Variants in CCDC91 observed in about 807,000 individuals in gnomAD.
The protein encoded by CCDC91 is coiled-coil domain-containing protein 91.
In CCDC91, 48 loss-of-function variants were observed where a neutral mutation model predicts 63.2. The observed-to-expected ratio is 0.76, with a 90% CI of 0.60 to 0.97. The LOEUF is 0.97. Ranked by LOEUF, CCDC91 falls within the 50% of genes least tolerant of loss-of-function variation. The pLI is 0.00. For missense variants in CCDC91, 500 were observed against 494.6 expected, an observed-to-expected ratio of 1.01 and a Z score of -0.10; for synonymous variants, 167 against 165.8, an observed-to-expected ratio of 1.01 and a Z score of -0.06.
intron 1 of CCDC91, among the ~76,000 whole-genome samples, chr12:28,202,255 T>C (rs1942512721): frequency 1.3e-5 from 2 of 152,244 alleles, no homozygotes; most frequent in Admixed American, 1.3e-4. Flanking sequence ...ATAAGTCCAA[T>C]GTCTGGGCTT....
rs538667594 is a variant in CCDC91, at chr12:28,248,671, A to G, written c.-14-8531A>G. On this transcript the variant is annotated intron_variant, in intron 1 of 12. Transcript: ENST00000536442. ...CATTTTGCATAATAAAAAGGATGTA[A>G]TTGGTTGCAGGCATGAGATATAACA... Among the ~76,000 whole-genome samples the G allele has an allele frequency of 3.3e-5, 5 of 152,368 alleles. No homozygotes were observed. The South Asian group carries it at 1.0e-3, about 32-fold the overall frequency.
At chr12:28,491,786 G>A (rs775885709) in intron 12 of CCDC91, among the ~76,000 whole-genome samples, 1 of 151,572 alleles carries the variant, frequency 6.6e-6, no homozygotes, top group Non-Finnish European at 1.5e-5. Flanking sequence ...ATTATTGGGG[G>A]CAATAGACAT....
intron 1 of CCDC91, among the ~76,000 whole-genome samples, chr12:28,195,203 A>G (rs61920242): frequency 0.26 from 39,569 of 151,892 alleles, 5,403 homozygotes; most frequent in Non-Finnish European, 0.31. Flanking sequence ...TGATTGGTGC[A>G]TTTACAAACC....
At chr12:28,316,817 T>C (rs1200575391) in intron 6 of CCDC91, among the ~76,000 whole-genome samples, 2 of 151,950 alleles carry the variant, frequency 1.3e-5, no homozygotes, top group African/African-American at 4.8e-5. Flanking sequence ...TTCATTTACT[T>C]CTTCCACTTT....
intron 1 of CCDC91, among the ~76,000 whole-genome samples, chr12:28,212,764 T>A (rs1278288900): frequency 2.0e-5 from 3 of 152,178 alleles, no homozygotes; most frequent in Admixed American, 2.0e-4. Context: ...AAGCAAAGAT[T>A]TACTAACTGC....
intron 1 of CCDC91, among the ~76,000 whole-genome samples, chr12:28,221,750 C>T (rs1047839968): frequency 1.3e-5 from 2 of 152,228 alleles, no homozygotes; most frequent in Admixed American, 1.3e-4. Context: ...TCCAGATAAT[C>T]TGTTCACTCA....
At chr12:28,421,019 T>A (rs777758567) in intron 8 of CCDC91, among the ~76,000 whole-genome samples, 44 of 152,126 alleles carry the variant, frequency 2.9e-4, no homozygotes, top group Non-Finnish European at 5.3e-4. Context: ...TTTCTCAGCA[T>A]AGATTTCTAG....
chr12:28,290,994 G>GT (rs1037261448), intron 3 of CCDC91, among the ~76,000 whole-genome samples: 21 of 151,866 alleles, frequency 1.4e-4, no homozygotes, highest in African/African-American at 1.4e-4. Context: ...CCGTATCCTT[G>GT]TTTTTTTTAC....
intron 1 of CCDC91, among the ~76,000 whole-genome samples, chr12:28,235,637 A>G (rs1944896384): frequency 6.6e-6 from 1 of 151,660 alleles, no homozygotes; most frequent in South Asian, 2.1e-4. Context: ...AGTAATGTGT[A>G]TAGATGAATT....
intron 3 of CCDC91, among the ~76,000 whole-genome samples, chr12:28,291,136 C>G (rs1949223382): frequency 6.6e-6 from 1 of 152,114 alleles, no homozygotes; most frequent in Non-Finnish European, 1.5e-5. Context: ...TTTTTGCCAA[C>G]AAGAAACAAG....
intron 11 of CCDC91, among the ~76,000 whole-genome samples, chr12:28,457,237 G>T (rs1254512255): frequency 6.6e-6 from 1 of 151,942 alleles, no homozygotes; most frequent in Non-Finnish European, 1.5e-5. Flanking sequence ...GTGTTTGGCA[G>T]CTAGTTGGGA....
At chr12:28,509,655 T>C (rs1939148330) in intron 12 of CCDC91, among the ~76,000 whole-genome samples, 1 of 151,896 alleles carries the variant, frequency 6.6e-6, no homozygotes, top group South Asian at 2.1e-4. Flanking sequence ...TAAAGAGCCA[T>C]ATATAGGCTG....
intron 12 of CCDC91, among the ~76,000 whole-genome samples, chr12:28,537,282 A>G (rs1202625115): frequency 6.6e-6 from 1 of 152,162 alleles, no homozygotes; most frequent in Admixed American, 6.6e-5. Flanking sequence ...TTTCGTACAT[A>G]TATGTTCAGG....
At chr12:28,490,906 T>G (rs1951964342) in intron 12 of CCDC91, among the ~76,000 whole-genome samples, 1 of 138,810 alleles carries the variant, frequency 7.2e-6, no homozygotes, top group Non-Finnish European at 1.6e-5. Context: ...TTTGGTGAGA[T>G]GACCCTATTT....
chr12:28,291,616 A>T (rs1436943027), intron 3 of CCDC91, among the ~76,000 whole-genome samples: 1 of 152,192 alleles, frequency 6.6e-6, no homozygotes, highest in East Asian at 1.9e-4. Flanking sequence ...CGGTCTACCT[A>T]CTGAGCTGGT....
chr12:28,469,657 TG>T (rs890083011), intron 11 of CCDC91, among the ~76,000 whole-genome samples: 11 of 152,110 alleles, frequency 7.2e-5, no homozygotes, highest in African/African-American at 2.6e-4. Context: ...GAACAAAAAT[TG>T]GAGAAATCAC....
At chr12:28,301,707 G>A (rs1938099178) in intron 3 of CCDC91, among the ~76,000 whole-genome samples, 1 of 150,956 alleles carries the variant, frequency 6.6e-6, no homozygotes, top group Non-Finnish European at 1.5e-5. Flanking sequence ...TTCTTTGTTG[G>A]GTAGTTGCCT....
At chr12:28,245,237 G>A (rs968609225) in intron 1 of CCDC91, among the ~76,000 whole-genome samples, 5 of 152,086 alleles carry the variant, frequency 3.3e-5, no homozygotes, top group African/African-American at 1.2e-4. Context: ...AATAAATTTG[G>A]TGTATGATAA....
intron 12 of CCDC91, among the ~76,000 whole-genome samples, chr12:28,515,131 G>GT (rs796122401): frequency 2.6e-5 from 4 of 151,550 alleles, no homozygotes; most frequent in African/African-American, 9.7e-5. Flanking sequence ...AATCATTTGT[G>GT]TTTTTTTTCC....
Sources: gnomAD v4.1 joint callset for allele counts (sites outside exome capture counted in the v4.1 genomes callset) on GRCh38, gnomAD v4.1.1 for gene constraint, MANE v1.5 for transcripts, NCBI Gene and HGNC (gene_info 2026-07-23, HGNC 2026-07-21) for gene names.